SH3GLB1: variants seen among roughly 807,000 people sequenced by gnomAD.
SH3GLB1 encodes the protein SH3 domain containing GRB2 like, endophilin B1.
Under a neutral mutation model 42.0 loss-of-function variants are expected in SH3GLB1, and 17 were observed. The observed-to-expected ratio is 0.40, with a 90% confidence interval of 0.28 to 0.61. The LOEUF is 0.61. Ranked by LOEUF, SH3GLB1 falls within the 20% of genes least tolerant of loss-of-function variation. The pLI, the probability that SH3GLB1 is intolerant of heterozygous loss-of-function variation, is 0.36. For missense variants in SH3GLB1, 355 were observed against 426.3 expected (o/e 0.83, Z 1.47); for synonymous variants, 132 against 146.6 (o/e 0.90, Z 0.72).
intron 5 of SH3GLB1, among the ~76,000 whole-genome samples, chr1:86,724,882 A>ATATATATATATATATATATAT (rs1429770726): frequency 9.4e-6 from 1 of 106,038 alleles, no homozygotes; most frequent in African/African-American, 4.9e-5. Context: ...TTTAAAAAAA[A>ATATATATATATATATATATAT]AAAAAAAAAA....
In SH3GLB1 at chr1:86,728,378, C is replaced by T. The variant is rs74097424; in HGVS notation, c.570+3973C>T. On this transcript the variant is annotated intron_variant, in intron 5 of 8. Coordinates refer to ENST00000370558, the MANE Select transcript of SH3GLB1 (RefSeq NM_016009.5). ...ACTGTGTTCATTGGTATAATGTGTT[C>T]TTTGTCTCTTACTATGCACTTAAGC... The T allele has an allele frequency of 4.4e-3, 5,940 of 1,348,462 alleles. 219 individuals are homozygous for T. In the African/African-American group the frequency reaches 0.076, roughly 17 times the overall value. The allele number at this position is 1,348,462 out of a possible 1,614,324, so 83.5% of individuals were successfully genotyped here. A position where few individuals can be genotyped will look rare whatever the true frequency, so the allele number is the denominator to read the frequency against.
intron 5 of SH3GLB1, among the ~76,000 whole-genome samples, chr1:86,731,660 A>G (rs545670685): frequency 1.3e-4 from 20 of 152,340 alleles, no homozygotes; most frequent in Non-Finnish European, 2.6e-4. Context: ...AATTGATACA[A>G]TACATGGGAA....
chr1:86,706,263 G>T (rs982769483), intron 1 of SH3GLB1, among the ~76,000 whole-genome samples: 1 of 152,218 alleles, frequency 6.6e-6, no homozygotes, highest in African/African-American at 2.4e-5. Flanking sequence ...AAGCATTCCA[G>T]ATTTAAGATA....
rs1367372223 is a variant in SH3GLB1, at chr1:86,704,756, G to A, written c.-144G>A. On this transcript the variant is annotated 5_prime_UTR_variant, in exon 1 of 9. Transcript: ENST00000370558. ...CTTCATCCTCCCCGTTCACGGAAAC[G>A]ACAGCTGCGGCTGCGGGGCTGGCGC... The A allele has an allele frequency of 4.0e-6, 2 of 500,394 alleles. No individual in the cohort carries two copies. Among genetic ancestry groups the A allele is most frequent in the African/African-American group, 2.1e-5 (1 of 48,274 alleles). 31.0% of individuals were successfully genotyped at this position (500,394 alleles called of 1,614,324 possible).
rs938480034 is a variant in SH3GLB1 at position 86,704,790 on chromosome 1, T to C, written c.-110T>C. On this transcript the variant is annotated 5_prime_UTR_variant, in exon 1 of 9. Transcript: ENST00000370558. ...GGCTGCGGGGCTGGCGCCGCCTCCC[T>C]CCACCTACCACGTCTGCCCTCGCCG... 7.6e-5 allele frequency: 44 copies of C among 582,670 alleles called. No individual in the cohort carries two copies. The highest frequency in any genetic ancestry group is 1.7e-4 in the Admixed American group (4 of 23,982). The allele number at this position is 582,670 out of a possible 1,614,324, so 36.1% of individuals were successfully genotyped here.
chr1:86,712,054 T>A (rs1359666705), intron 1 of SH3GLB1, among the ~76,000 whole-genome samples: 2 of 152,136 alleles, frequency 1.3e-5, no homozygotes, highest in African/African-American at 4.8e-5. Flanking sequence ...AAAAATCCTT[T>A]TGCTTCCACC....
chr1:86,726,966 T>C (rs1655232991), intron 5 of SH3GLB1, among the ~76,000 whole-genome samples: 1 of 152,006 alleles, frequency 6.6e-6, no homozygotes, highest in African/African-American at 2.4e-5. Context: ...TAAATTTCCA[T>C]GGATTGTTTT....
chr1:86,732,791 G>A (rs984205995), intron 5 of SH3GLB1, among the ~76,000 whole-genome samples: 4 of 151,614 alleles, frequency 2.6e-5, no homozygotes, highest in Non-Finnish European at 4.4e-5. Flanking sequence ...CAATCTTCCC[G>A]GTCACCTTAA....
chr1:86,733,788 C>T (rs1379172612), intron 5 of SH3GLB1, among the ~76,000 whole-genome samples: 3 of 152,156 alleles, frequency 2.0e-5, no homozygotes, highest in Non-Finnish European at 4.4e-5. Flanking sequence ...TACATCTCTT[C>T]CCAGCTCCAC....
At chr1:86,709,944 A>C (rs1646973097) in intron 1 of SH3GLB1, among the ~76,000 whole-genome samples, 1 of 152,234 alleles carries the variant, frequency 6.6e-6, no homozygotes, top group Non-Finnish European at 1.5e-5. Flanking sequence ...CAGTTTGGCC[A>C]AACAACTCTC....
intron 3 of SH3GLB1, 83 bp from the exon 4 acceptor site, chr1:86,722,457 A>T: frequency 7.5e-7 from 1 of 1,331,586 alleles, no homozygotes; most frequent in South Asian, 1.6e-5. Flanking sequence ...TTTTAAACAG[A>T]CCAAATTGCT....
intron 5 of SH3GLB1, among the ~76,000 whole-genome samples, chr1:86,725,234 C>T (rs1655133467): frequency 6.6e-6 from 1 of 151,720 alleles, no homozygotes; most frequent in Admixed American, 6.6e-5. Flanking sequence ...ACTGCTCAAA[C>T]TAACTAAAAG....
chr1:86,718,252 G>C lies in SH3GLB1; in HGVS notation c.215-1255G>C, dbSNP rs549744681. On this transcript the variant is annotated intron_variant, in intron 2 of 8. Coordinates refer to ENST00000370558, the MANE Select transcript of SH3GLB1 (RefSeq NM_016009.5). Reference sequence around the variant, plus strand: ...GTAGAGACGGGGTTTCACCATGTCAGCCAGGCTGGTCTCAAACTCCTGACA... The same window carrying C: ...GTAGAGACGGGGTTTCACCATGTCACCCAGGCTGGTCTCAAACTCCTGACA... Among the ~76,000 whole-genome samples the C allele has an allele frequency of 1.5e-3, 227 of 151,930 alleles. 1 individual carries two copies. The highest frequency in any genetic ancestry group is 2.9e-3 in the Non-Finnish European group (195 of 67,952).
intron 5 of SH3GLB1, among the ~76,000 whole-genome samples, chr1:86,726,597 A>T (rs926251292): frequency 6.6e-6 from 1 of 152,064 alleles, no homozygotes; most frequent in Non-Finnish European, 1.5e-5. Context: ...TACGTATTAC[A>T]TACAGCAAAA....
intron 7 of SH3GLB1, among the ~76,000 whole-genome samples, chr1:86,737,416 A>G (rs1655829499): frequency 6.6e-6 from 1 of 152,342 alleles, no homozygotes; most frequent in East Asian, 1.9e-4. Flanking sequence ...AGAGAACTAA[A>G]AAAGCCATGT....
At position 86,744,565 on chromosome 1, in the gene SH3GLB1, AT is replaced by A. The variant is rs1335590585; in HGVS notation, c.*1331del. ...GGGAAGAACTGTTCCAGATAAAAAG[AT>A]GTGTAACCAAGATAGCATAGCACAT... On this transcript the variant is annotated 3_prime_UTR_variant, in exon 9 of 9. Transcript: ENST00000370558. 6 of 152,188 alleles carry A rather than the reference AT, an allele frequency of 3.9e-5. No homozygotes were observed. Among genetic ancestry groups the A allele is most frequent in the African/African-American group, 1.4e-4 (6 of 41,442 alleles). 9.4% of individuals were successfully genotyped at this position (152,188 alleles called of 1,614,324 possible).
chr1:86,724,874 T>TAAAA (rs1165438979), intron 5 of SH3GLB1, among the ~76,000 whole-genome samples: 13 of 97,898 alleles, frequency 1.3e-4, no homozygotes, highest in South Asian at 5.9e-4. Context: ...ACCCTGTCTT[T>TAAAA]AAAAAAAAAA....
At chr1:86,725,581 C>T (rs1254979576) in intron 5 of SH3GLB1, among the ~76,000 whole-genome samples, 3 of 152,056 alleles carry the variant, frequency 2.0e-5, no homozygotes, top group Non-Finnish European at 4.4e-5. Context: ...TTAATTTGAG[C>T]TATGGTATGA....
Position 86,742,252 on chromosome 1 carries a change from C to T in SH3GLB1, c.806C>T (p.Thr269Ile), listed in dbSNP as rs1335181821. 1 of 1,614,106 alleles carries T rather than the reference C, an allele frequency of 6.2e-7. No individual in the cohort carries two copies. Among genetic ancestry groups the T allele is most frequent in the Non-Finnish European group, 8.5e-7 (1 of 1,179,980 alleles). Residue 269 changes from threonine (T) to isoleucine (I), a missense_variant, in exon 8 of 9, where the codon ACA (threonine) becomes ATA (isoleucine). Transcript: ENST00000370558. ...AGTAACAACAATCAGACTTCTGTGACACCTGTACCATCAGTTTTACCAAAT... is the reference window on the plus strand; with the variant it reads ...AGTAACAACAATCAGACTTCTGTGATACCTGTACCATCAGTTTTACCAAAT... Reference protein sequence around the residue: ...YLSNNNQTSVTPVPSVLPNAI... With the variant: ...YLSNNNQTSVIPVPSVLPNAI...
Sources: allele counts gnomAD v4.1 joint callset (sites outside exome capture counted in the v4.1 genomes callset), GRCh38; gene constraint gnomAD v4.1.1; transcripts MANE v1.5; gene names NCBI Gene and HGNC (gene_info 2026-07-23, HGNC 2026-07-21).